Variants in CFAP70 observed in about 807,000 individuals in gnomAD.
CFAP70 encodes the protein cilia and flagella associated protein 70, also known as cilia- and flagella-associated protein 70.
In CFAP70, 81 loss-of-function variants were observed where a neutral mutation model predicts 137.6. That is an observed-to-expected ratio of 0.59 (90% CI 0.49 to 0.71). The LOEUF is 0.71. CFAP70 is among the 30% of genes least tolerant of loss of function. The probability of loss-of-function intolerance (pLI) is 0.00; values close to 1 mark genes in which losing one functional copy is unlikely to be tolerated. For synonymous variants in CFAP70, 382 were observed against 423.6 expected (o/e 0.90, Z 1.20); for missense variants, 976 against 1,226.7 (o/e 0.80, Z 3.05).
chr10:73,342,836 G>T (rs543764545), intron 5 of CFAP70, among the ~76,000 whole-genome samples: 1 of 152,258 alleles, frequency 6.6e-6, no homozygotes, highest in Non-Finnish European at 1.5e-5. Context: ...CAGCACTGTG[G>T]GAGGCCGAGG....
chr10:73,297,223 T>C (rs2072628784), intron 14 of CFAP70, 50 bp from the exon 16 acceptor site: 1 of 1,575,610 alleles, frequency 6.3e-7, no homozygotes. Flanking sequence ...AGCACCATGC[T>C]GAGAGCACGG....
chr10:73,279,564 AATAAATAT>A (rs200164871), intron 19 of CFAP70, among the ~76,000 whole-genome samples: 7,478 of 147,260 alleles, frequency 0.051, 454 homozygotes, highest in East Asian at 0.29. Context: ...TAAATAAATA[AATAAATAT>A]AAGAAGTTGG....
rs1564775250 is a variant in CFAP70, at chr10:73,279,572, T to TAC, written c.2240-1236_2240-1235insGT. Among the ~76,000 whole-genome samples the TAC allele has an allele frequency of 3.7e-4, 38 of 103,400 alleles. No individual in the cohort carries two copies. The East Asian group carries it at 0.017, about 46-fold the overall frequency. The allele number at this position is 103,400 out of a possible 152,430, so 67.8% of individuals were successfully genotyped here. On this transcript the variant is annotated intron_variant, in intron 19 of 26. Coordinates refer to ENST00000310715, the Ensembl canonical transcript of CFAP70. The stretch of plus-strand genomic sequence containing the variant: ...AAATAAATAAATAAATAAATAAATA[T>TAC]AAGAAGTTGGGCGAGGTGACTCACG...
At chr10:73,299,947 C>T (rs1435974728) in intron 12 of CFAP70, among the ~76,000 whole-genome samples, 2 of 152,030 alleles carry the variant, frequency 1.3e-5, no homozygotes, top group African/African-American at 4.8e-5. Context: ...TTTACCCTTA[C>T]GTATTTAAAA....
chr10:73,319,754 A>T (rs61865821), intron 9 of CFAP70, among the ~76,000 whole-genome samples: 6,564 of 152,278 alleles, frequency 0.043, 209 homozygotes, highest in Non-Finnish European at 0.067. Context: ...GTTCTATAAC[A>T]TTATCACACC....
intron 6 of CFAP70, 38 bp downstream of exon 7, chr10:73,341,361 C>T: frequency 6.5e-7 from 1 of 1,546,976 alleles, no homozygotes; most frequent in Non-Finnish European, 8.8e-7. Flanking sequence ...TGTCAGTACA[C>T]TAAGTTTATC....
At chr10:73,324,634 T>G (rs2051213160) in intron 8 of CFAP70, among the ~76,000 whole-genome samples, 1 of 152,048 alleles carries the variant, frequency 6.6e-6, no homozygotes, top group African/African-American at 2.4e-5. Context: ...TACAGAGAAG[T>G]GCTTAAAGGA....
intron 3 of CFAP70, among the ~76,000 whole-genome samples, chr10:73,349,322 G>A (rs1376019996): frequency 6.6e-5 from 10 of 151,922 alleles, no homozygotes; most frequent in African/African-American, 1.7e-4. Flanking sequence ...GGCAGATCAC[G>A]AGGTCAGGAG....
chr10:73,331,194 C>G, exon 8 of CFAP70: 2 of 1,611,264 alleles, frequency 1.2e-6, no homozygotes, highest in South Asian at 1.1e-5. Context: ...GTTTTGCCAG[C>G]TTTCCCTTTG....
At position 73,275,360 on chromosome 10, in the gene CFAP70, A is replaced by T; in HGVS notation, c.2673+86T>A. On this transcript the variant is annotated intron_variant, in intron 22 of 26. Transcript: ENST00000310715. The surrounding 1 kb of genome is among the most constrained non-coding windows in gnomAD (Gnocchi z 4.0). ...ACAGCTGATGACCACCCTTCTGTTC[A>T]CCAGAAATCTACGTGTGATATGGCA... 1 of 1,443,432 alleles carries T rather than the reference A, an allele frequency of 6.9e-7. No homozygotes were observed. The allele number at this position is 1,443,432 out of a possible 1,614,324, so 89.4% of individuals were successfully genotyped here.
intron 25 of CFAP70, among the ~76,000 whole-genome samples, chr10:73,268,809 C>A (rs1446741685): frequency 6.6e-6 from 1 of 151,942 alleles, no homozygotes; most frequent in Non-Finnish European, 1.5e-5. Flanking sequence ...TCCTCCCACC[C>A]CAACCCTCGA....
chr10:73,348,089 TTAATAGCAGACAGAA>T, intron 4 of CFAP70, 52 bp downstream of exon 5: 5 of 1,434,148 alleles, frequency 3.5e-6, no homozygotes, highest in Non-Finnish European at 4.9e-6. Flanking sequence ...GAATTGAACC[TTAATAGCAGACAGAA>T]TTGTTACATT....
At chr10:73,359,953 G>A (rs1001805913), upstream of CFAP70, among the ~76,000 whole-genome samples, 1 of 152,000 alleles carries the variant, frequency 6.6e-6, no homozygotes, top group African/African-American at 2.4e-5. Flanking sequence ...ACCATGAAAG[G>A]AACTCAGGTT....
intron 13 of CFAP70, 49 bp downstream of exon 14, chr10:73,299,556 G>A (rs2048786715): frequency 2.0e-6 from 3 of 1,482,006 alleles, no homozygotes; most frequent in African/African-American, 1.4e-5. Context: ...ACAAGTGCAT[G>A]CACTCAATAT....
chr10:73,277,113 G>C, intron 21 of CFAP70, 127 bp downstream of exon 22: 1 of 1,222,260 alleles, frequency 8.2e-7, no homozygotes. Context: ...TGGGCTTAAA[G>C]TATGCTCTCA....
intron 12 of CFAP70, among the ~76,000 whole-genome samples, chr10:73,301,983 T>C (rs1279314753): frequency 6.6e-6 from 1 of 152,018 alleles, no homozygotes; most frequent in Non-Finnish European, 1.5e-5. Flanking sequence ...AAAGCTATCA[T>C]TAGAAAATAA....
At chr10:73,344,926 CTG>C (rs2053582556) in intron 5 of CFAP70, 137 bp downstream of exon 6, 2 of 554,286 alleles carry the variant, frequency 3.6e-6, no homozygotes, top group Admixed American at 5.5e-5. Context: ...TAGAAATAAA[CTG>C]TATTTTTCAA....
At chr10:73,264,831 G>T (rs1468708566) in intron 25 of CFAP70, among the ~76,000 whole-genome samples, 1 of 152,080 alleles carries the variant, frequency 6.6e-6, no homozygotes, top group East Asian at 1.9e-4. Flanking sequence ...TAATTATGTG[G>T]TCTCCCCATT....
intron 9 of CFAP70, 125 bp from the exon 11 acceptor site, chr10:73,312,768 A>T (rs1376926251): frequency 1.2e-6 from 1 of 851,974 alleles, no homozygotes; most frequent in Non-Finnish European, 1.7e-6. Context: ...GAGAGAGAGA[A>T]GGGACTTGAA....
Sources: allele counts gnomAD v4.1 joint callset (sites outside exome capture counted in the v4.1 genomes callset), GRCh38; gene constraint gnomAD v4.1.1; non-coding constraint Gnocchi (gnomAD v3.1); transcripts MANE v1.5; gene names NCBI Gene and HGNC (gene_info 2026-07-23, HGNC 2026-07-21).